NBPF14: variants seen among roughly 807,000 people sequenced by gnomAD.
NBPF14 encodes NBPF member 14, also known as NBPF family member NBPF14.
A neutral mutation model predicts 91.2 loss-of-function variants in NBPF14; 104 were observed. The ratio of observed to expected loss-of-function variants is 1.14; its 90% confidence interval spans 0.97 to 1.34. NBPF14 has a LOEUF of 1.34. Ranked by LOEUF, NBPF14 falls within the 40% of genes most tolerant of loss-of-function variation. The probability of loss-of-function intolerance (pLI) is 0.00; values close to 1 mark genes in which losing one functional copy is unlikely to be tolerated. For missense variants in NBPF14, 908 were observed against 783.0 expected (o/e 1.16, Z -1.91); for synonymous variants, 294 against 303.8 (o/e 0.97, Z 0.34).
At chr1:148,562,050 T>C (rs1657925397) in intron 34 of NBPF14, among the ~76,000 whole-genome samples, 186 bp downstream of exon 34, 1 of 77,254 alleles carries the variant, frequency 1.3e-5, no homozygotes. Context: ...GGTTAGTAAA[T>C]GATAAGGGGA....
Position 148,587,281 on chromosome 1 carries a change from C to T in NBPF14, c.1091+20G>A, listed in dbSNP as rs1329649605. ...ATTTACACACCTGCCCCCCTGCCTG[C>T]CCCCATGGGGTCCCCTCACCTGAGC... On this transcript the variant is annotated intron_variant, in intron 8 of 70. Transcript: ENST00000619423. 3.2e-6 allele frequency: 5 copies of T among 1,562,028 alleles called. No homozygotes were observed. Among genetic ancestry groups the T allele is most frequent in the African/African-American group, 2.7e-5 (2 of 73,106 alleles).
At chr1:148,577,418 T>G in intron 14 of NBPF14, 63 bp from the exon 15 acceptor site, 1 of 660,606 alleles carries the variant, frequency 1.5e-6, no homozygotes, top group East Asian at 2.7e-5. Context: ...CAGCCCCAGC[T>G]AGATTTCATG....
intron 69 of NBPF14, among the ~76,000 whole-genome samples, chr1:148,534,482 A>T: frequency 6.6e-6 from 1 of 151,918 alleles, no homozygotes; most frequent in East Asian, 1.9e-4. Context: ...GCCTGAGACT[A>T]GGAAGAGAGT....
rs1347270135 is a variant in NBPF14 at position 148,559,835 on chromosome 1, T to C, written c.4687A>G (p.Ile1563Val). ...AAGCCAACACGCTGCTGCTCCAATA[T>C]GTAAAAGGCACTTCTATAGGGCTGG... is the stretch of plus-strand genomic sequence containing the variant. The change falls in exon 37 of 71, where the codon ATA becomes GTA. Residue 1563 changes from isoleucine to valine, a missense_variant. Coordinates refer to ENST00000619423, the Ensembl canonical transcript of NBPF14. The C allele has an allele frequency of 4.0e-4, 613 of 1,529,404 alleles. 40 individuals carry two copies. Among genetic ancestry groups the C allele is most frequent in the Middle Eastern group, 2.1e-3 (9 of 4,256 alleles). 94.7% of individuals were successfully genotyped at this position (1,529,404 alleles called of 1,614,324 possible). A position where few individuals can be genotyped will look rare whatever the true frequency, so the allele number is the denominator to read the frequency against.
intron 37 of NBPF14, 46 bp downstream of exon 37, chr1:148,559,747 C>G (rs1657377382): frequency 9.6e-7 from 1 of 1,046,112 alleles, no homozygotes; most frequent in Non-Finnish European, 1.4e-6. Context: ...TGACCCTAAC[C>G]AGAAGACTCA....
intron 69 of NBPF14, among the ~76,000 whole-genome samples, chr1:148,534,182 T>A (rs1467352907): frequency 6.7e-6 from 1 of 149,940 alleles, no homozygotes; most frequent in Non-Finnish European, 1.5e-5. Context: ...CCTATTCTAG[T>A]AGATCGTTAT....
exon 69 of NBPF14, chr1:148,534,807 A>T (rs1654727219): frequency 2.9e-6 from 3 of 1,022,862 alleles, no homozygotes; most frequent in Non-Finnish European, 4.6e-6. Flanking sequence ...CTATCCAGTG[A>T]GTCCTGCAAG....
chr1:148,591,390 T>G (rs1202736403), intron 5 of NBPF14, 42 bp downstream of exon 5: 1 of 1,545,722 alleles, frequency 6.5e-7, no homozygotes, highest in African/African-American at 1.3e-5. Context: ...GACATTTTCA[T>G]ACGTTACCAC....
intron 67 of NBPF14, among the ~76,000 whole-genome samples, chr1:148,535,861 G>T (rs878896764): frequency 6.7e-6 from 1 of 148,664 alleles, no homozygotes; most frequent in Non-Finnish European, 1.5e-5. Flanking sequence ...TACTCAGATT[G>T]TTCATGGTAG....
chr1:148,576,075 G>T (rs1423595757), intron 16 of NBPF14, among the ~76,000 whole-genome samples: 6 of 145,116 alleles, frequency 4.1e-5, no homozygotes, highest in African/African-American at 1.0e-4. Flanking sequence ...TGATGAAGGG[G>T]TTAAAGGACA....
chr1:148,539,290 C>G lies in NBPF14; in HGVS notation c.7882+120G>C, dbSNP rs1448820752. ...AGTTTCTTTACAACCTATATGCGCC[C>G]ATAGGTCCTGACTGCGGCAATGACG... On this transcript the variant is annotated intron_variant, in intron 63 of 70. Coordinates refer to ENST00000619423, the Ensembl canonical transcript of NBPF14. 3.1e-5 allele frequency: 20 copies of G among 637,774 alleles called. 5 individuals carry two copies. The highest frequency in any genetic ancestry group is 2.2e-4 in the African/African-American group (8 of 36,378). The allele number at this position is 637,774 out of a possible 1,614,324, so 39.5% of individuals were successfully genotyped here.
chr1:148,590,194 C>G (rs1553337717), intron 6 of NBPF14, among the ~76,000 whole-genome samples: 4 of 142,292 alleles, frequency 2.8e-5, no homozygotes, highest in Non-Finnish European at 4.7e-5. Context: ...GGACTACAGG[C>G]GCCCACCACC....
Position 148,566,430 on chromosome 1 carries a change from C to G in NBPF14, c.3543-115G>C, listed in dbSNP as rs1280567636. ...GGTTAAAAAACTAAAAGGATAGATC[C>G]ATTAATGAGGTAACAAATTGTTGCC... On this transcript the variant is annotated intron_variant, in intron 28 of 70. Coordinates refer to ENST00000619423, the Ensembl canonical transcript of NBPF14. The G allele has an allele frequency of 7.1e-5, 43 of 601,960 alleles. 4 individuals are homozygous for G. Among genetic ancestry groups the G allele is most frequent in the Non-Finnish European group, 1.2e-4 (42 of 341,144 alleles). The allele number at this position is 601,960 out of a possible 1,614,324, so 37.3% of individuals were successfully genotyped here.
At chr1:148,566,179 C>G in exon 29 of NBPF14, 2 of 542,390 alleles carry the variant, frequency 3.7e-6, no homozygotes, top group East Asian at 3.4e-5. Flanking sequence ...TGTTTTTCCT[C>G]CAATGCATAA....
chr1:148,557,777 C>G (rs1656939647), intron 39 of NBPF14, among the ~76,000 whole-genome samples: 1 of 119,548 alleles, frequency 8.4e-6, no homozygotes, highest in Admixed American at 8.4e-5. Flanking sequence ...ATCATTTATC[C>G]CAAGTTTGTG....
At chr1:148,560,228 C>T (rs1378600454) in intron 36 of NBPF14, among the ~76,000 whole-genome samples, 15 of 150,626 alleles carry the variant, frequency 1.0e-4, no homozygotes, top group Admixed American at 9.2e-4. Flanking sequence ...GGCCAGGTGA[C>T]ATACTGGTAA....
At chr1:148,579,080 T>C (rs1660531890) in exon 13 of NBPF14, 1 of 525,418 alleles carries the variant, frequency 1.9e-6, no homozygotes, top group South Asian at 2.0e-5. Flanking sequence ...TCACTGCCTA[T>C]GTCAACAGCC....
intron 5 of NBPF14, among the ~76,000 whole-genome samples, 152 bp downstream of exon 5, chr1:148,591,280 G>A (rs1362445281): frequency 6.7e-6 from 1 of 148,860 alleles, no homozygotes; most frequent in Non-Finnish European, 1.5e-5. Context: ...CACGACAGCT[G>A]CCGCACCCTG....
At chr1:148,561,804 C>G (rs1163210888) in intron 34 of NBPF14, among the ~76,000 whole-genome samples, 2 of 135,284 alleles carry the variant, frequency 1.5e-5, no homozygotes, top group East Asian at 4.2e-4. Flanking sequence ...CACACACAAA[C>G]ACACACACAC....
Sources: gnomAD v4.1 joint callset for allele counts (sites outside exome capture counted in the v4.1 genomes callset) on GRCh38, gnomAD v4.1.1 for gene constraint, MANE v1.5 for transcripts, NCBI Gene and HGNC (gene_info 2026-07-23, HGNC 2026-07-21) for gene names.